The following FANCL variants were observed in gnomAD, a reference collection of about 807,000 sequenced individuals.
The protein encoded by FANCL is FA complementation group L.
Under a neutral mutation model 59.4 loss-of-function variants are expected in FANCL, and 69 were observed. The ratio of observed to expected loss-of-function variants is 1.16; its 90% CI spans 0.96 to 1.42. FANCL has a LOEUF of 1.42. Ranked by LOEUF, FANCL falls within the 40% of genes most tolerant of loss-of-function variation. FANCL has a pLI of 0.00. For missense variants in FANCL, 519 were observed against 447.2 expected (o/e 1.16, Z -1.45); for synonymous variants, 180 against 147.1 (o/e 1.22, Z -1.62).
At chr2:58,215,337 TAATAAATAAAG>T (rs1691607764) in intron 5 of FANCL, among the ~76,000 whole-genome samples, 1 of 152,200 alleles carries the variant, frequency 6.6e-6, no homozygotes. Context: ...ACTAATGTCT[TAATAAATAAAG>T]CCTAATCTCA....
intron 7 of FANCL, among the ~76,000 whole-genome samples, chr2:58,176,482 T>A (rs1442456518): frequency 6.6e-6 from 1 of 152,058 alleles, no homozygotes; most frequent in Non-Finnish European, 1.5e-5. Context: ...GCCGCATATC[T>A]ACAACTACCT....
At chr2:58,216,217 T>C (rs185624492) in intron 5 of FANCL, among the ~76,000 whole-genome samples, 87 of 152,212 alleles carry the variant, frequency 5.7e-4, no homozygotes, top group Admixed American at 1.3e-3. Context: ...CAATCAGAGG[T>C]AGACTGACCT....
intron 3 of FANCL, among the ~76,000 whole-genome samples, chr2:58,228,123 G>C (rs6732505): frequency 0.3 from 45,038 of 151,282 alleles, 9,153 homozygotes; most frequent in African/African-American, 0.58. Context: ...TGTGATTTTT[G>C]TCCTCTCACA....
At chr2:58,226,834 T>C (rs768651890) in intron 3 of FANCL, 50 bp from the exon 4 acceptor site, 3 of 1,510,666 alleles carry the variant, frequency 2.0e-6, no homozygotes, top group African/African-American at 2.7e-5. Flanking sequence ...AAATATTCTA[T>C]CCACTAAAAC....
intron 7 of FANCL, among the ~76,000 whole-genome samples, chr2:58,168,321 A>G (rs1686170453): frequency 6.6e-6 from 1 of 152,118 alleles, no homozygotes; most frequent in Admixed American, 6.5e-5. Flanking sequence ...AGGGTGGGCT[A>G]TCACCTCACT....
chr2:58,196,996 C>T (rs963654314), intron 7 of FANCL, among the ~76,000 whole-genome samples: 1 of 150,992 alleles, frequency 6.6e-6, no homozygotes, highest in Non-Finnish European at 1.5e-5. Flanking sequence ...AAAAAGAAAG[C>T]TATAAAATTT....
Position 58,163,357 on chromosome 2 carries a change from A to G in FANCL, c.775+77T>C, listed in dbSNP as rs1685495334. 1.5e-5 allele frequency: 15 copies of G among 992,244 alleles called. No individual in the cohort carries two copies. The South Asian group carries it at 1.8e-4, about 12-fold the overall frequency. The allele number at this position is 992,244 out of a possible 1,614,324, so 61.5% of individuals were successfully genotyped here. On this transcript the variant is annotated intron_variant, in intron 9 of 13. Transcript: ENST00000233741. ...TAAAAACTACCATTAATATACTAAT[A>G]TTGTCTAATAATTTAACAATGCTAG...
rs187946112 is a variant in FANCL, at chr2:58,170,630, G to C, written c.541-4756C>G. Among the ~76,000 whole-genome samples the C allele has an allele frequency of 1.1e-4, 17 of 151,278 alleles. 1 individual carries two copies. In the East Asian group the frequency reaches 1.8e-3, roughly 16 times the overall value. On this transcript the variant is annotated intron_variant, in intron 7 of 13. Transcript: ENST00000233741. The stretch of plus-strand genomic sequence containing the variant: ...GCTGTATTCAGGAGATCCATCTCAC[G>C]TGCAAAGAAACACACAGGCTCGAAA...
At chr2:58,192,801 G>T (rs183510037) in intron 7 of FANCL, among the ~76,000 whole-genome samples, 2 of 151,822 alleles carry the variant, frequency 1.3e-5, no homozygotes, top group African/African-American at 4.8e-5. Flanking sequence ...AGCCAAAAGT[G>T]TTTGCCCCTG....
rs558178418 is a variant in FANCL at position 58,198,494 on chromosome 2, A to T, written c.540+100T>A. ...TGGGTATGCATGGATTTTGGTATTT[A>T]CAGAGGGCCCAAGAAATAATCCCCC... On this transcript the variant is annotated intron_variant, in intron 7 of 13. Coordinates refer to ENST00000233741, the MANE Select transcript of FANCL (RefSeq NM_018062.4). 12 of 987,330 alleles carry T rather than the reference A, an allele frequency of 1.2e-5. No homozygotes were observed. The East Asian group carries it at 2.2e-4, about 18-fold the overall frequency. 61.2% of individuals were successfully genotyped at this position (987,330 alleles called of 1,614,324 possible). A position where few individuals can be genotyped will look rare whatever the true frequency, so the allele number is the denominator to read the frequency against.
intron 7 of FANCL, among the ~76,000 whole-genome samples, chr2:58,177,640 G>T (rs1439437741): frequency 2.9e-5 from 3 of 101,908 alleles, no homozygotes; most frequent in Admixed American, 1.3e-4. Flanking sequence ...GTGGGGTGGG[G>T]GGAGGGGGGA....
intron 5 of FANCL, among the ~76,000 whole-genome samples, chr2:58,209,791 T>C (rs138774617): frequency 4.4e-4 from 67 of 152,328 alleles, no homozygotes; most frequent in African/African-American, 1.6e-3. Flanking sequence ...TCTGGTATAA[T>C]TATTGGAATG....
At chr2:58,237,664 G>C (rs888760323) in intron 1 of FANCL, among the ~76,000 whole-genome samples, 1 of 152,068 alleles carries the variant, frequency 6.6e-6, no homozygotes, top group Non-Finnish European at 1.5e-5. Flanking sequence ...CCTCTATCTA[G>C]ATGTATCGGG....
chr2:58,234,803 A>T (rs1693866434), intron 1 of FANCL, among the ~76,000 whole-genome samples: 1 of 152,116 alleles, frequency 6.6e-6, no homozygotes, highest in African/African-American at 2.4e-5. Context: ...TTAAAAAATG[A>T]AGCAAGAATG....
chr2:58,236,664 A>AC (rs1694055312), intron 1 of FANCL, among the ~76,000 whole-genome samples: 1 of 152,100 alleles, frequency 6.6e-6, no homozygotes, highest in East Asian at 1.9e-4. Flanking sequence ...TAGTCGAAGC[A>AC]CCCCCAAGTA....
chr2:58,226,874 G>GA (rs1377725057), intron 3 of FANCL, 90 bp from the exon 4 acceptor site: 49 of 1,073,424 alleles, frequency 4.6e-5, no homozygotes, highest in South Asian at 4.1e-4. Flanking sequence ...AAGTGAATGT[G>GA]AAAAAAAGAT....
chr2:58,236,630 A>G (rs1694051960), intron 1 of FANCL, among the ~76,000 whole-genome samples: 1 of 152,100 alleles, frequency 6.6e-6, no homozygotes, highest in East Asian at 1.9e-4. Context: ...ATCCAACCAT[A>G]TGAATAACCA....
intron 5 of FANCL, among the ~76,000 whole-genome samples, chr2:58,215,786 G>T (rs965144832): frequency 9.2e-5 from 14 of 151,738 alleles, no homozygotes; most frequent in African/African-American, 3.4e-4. Context: ...CCAGAATCTG[G>T]GGAAAGGTAG....
chr2:58,161,665 G>T (rs932675492), intron 11 of FANCL, 27 bp from the exon 12 acceptor site: 1 of 1,449,120 alleles, frequency 6.9e-7, no homozygotes, highest in African/African-American at 1.4e-5. Context: ...TTTATAAAAA[G>T]CGTATGTGTC....
Sources: allele counts gnomAD v4.1 joint callset (sites outside exome capture counted in the v4.1 genomes callset), GRCh38; gene constraint gnomAD v4.1.1; transcripts MANE v1.5; gene names NCBI Gene and HGNC (gene_info 2026-07-23, HGNC 2026-07-21).